IFT56: variants seen among roughly 807,000 people sequenced by gnomAD.
IFT56 encodes intraflagellar transport protein 56.
the IFT56 span, chr7:139,137,726 A>G: frequency 8.9e-6 from 6 of 675,704 alleles, no homozygotes; most frequent in Admixed American, 7.7e-5. Flanking sequence ...TAAACCTCAT[A>G]TTGTCATGCT....
chr7:139,176,331 GAT>G, the IFT56 span, among the ~76,000 whole-genome samples: 1 of 151,842 alleles, frequency 6.6e-6, no homozygotes, highest in Admixed American at 6.6e-5. Context: ...ATGCAGTATG[GAT>G]ATATGGACTA....
chr7:139,135,406 C>A, the IFT56 span, among the ~76,000 whole-genome samples: 1 of 151,998 alleles, frequency 6.6e-6, no homozygotes, highest in Admixed American at 6.6e-5. Flanking sequence ...TCATTTCACA[C>A]ATTGCTTATC....
the IFT56 span, among the ~76,000 whole-genome samples, chr7:139,185,747 CATTATA>C: frequency 6.6e-6 from 1 of 151,924 alleles, no homozygotes. Context: ...AGTATTTTCA[CATTATA>C]ATTAGTAAGA....
the IFT56 span, chr7:139,187,574 A>C: frequency 1.9e-6 from 3 of 1,606,092 alleles, no homozygotes; most frequent in Non-Finnish European, 2.6e-6. Flanking sequence ...ACCTCTACTC[A>C]TTTGCTTGTT....
chr7:139,178,605 A>G, the IFT56 span: 2 of 1,612,944 alleles, frequency 1.2e-6, no homozygotes, highest in South Asian at 2.2e-5. Context: ...AGAGGTGGGT[A>G]TCTGCTTTTG....
chr7:139,164,577 C>A, the IFT56 span, among the ~76,000 whole-genome samples: 1 of 152,030 alleles, frequency 6.6e-6, no homozygotes, highest in African/African-American at 2.4e-5. Flanking sequence ...ATTTAGATCA[C>A]GGCTTTCTTT....
At chr7:139,163,815 C>T in the IFT56 span, among the ~76,000 whole-genome samples, 1 of 151,998 alleles carries the variant, frequency 6.6e-6, no homozygotes, top group Admixed American at 6.6e-5. Flanking sequence ...GAATTAATCT[C>T]GGCAAAAGAA....
the IFT56 span, among the ~76,000 whole-genome samples, chr7:139,146,766 CAAAAAA>C: frequency 1.4e-4 from 12 of 88,718 alleles, no homozygotes; most frequent in Middle Eastern, 6.8e-3. Context: ...GACTCCGTTT[CAAAAAA>C]AAAAAAAAAA....
the IFT56 span, chr7:139,134,833 A>G: frequency 6.3e-7 from 1 of 1,596,904 alleles, no homozygotes; most frequent in Non-Finnish European, 8.5e-7. Context: ...TATGAATACC[A>G]GACTGTAGAT....
chr7:139,139,872 G>A, the IFT56 span: 2 of 1,557,298 alleles, frequency 1.3e-6, no homozygotes, highest in Non-Finnish European at 1.8e-6. Flanking sequence ...TGAGATCACT[G>A]CTTACTATAT....
At chr7:139,157,686 A>G in the IFT56 span, among the ~76,000 whole-genome samples, 3 of 151,624 alleles carry the variant, frequency 2.0e-5, no homozygotes, top group Non-Finnish European at 4.4e-5. Flanking sequence ...TAAACTTTTT[A>G]AATAGAGACA....
chr7:139,147,178 C>G, the IFT56 span: 1 of 1,613,168 alleles, frequency 6.2e-7, no homozygotes, highest in African/African-American at 1.3e-5. Flanking sequence ...GAGCTTTCAT[C>G]AAAATCTTCA....
the IFT56 span, among the ~76,000 whole-genome samples, chr7:139,185,002 C>A: frequency 4.0e-5 from 6 of 149,370 alleles, no homozygotes; most frequent in East Asian, 2.0e-4. Flanking sequence ...TGCAGTGAGC[C>A]GAGATCGCGC....
chr7:139,151,223 A>C, the IFT56 span, among the ~76,000 whole-genome samples: 1 of 152,234 alleles, frequency 6.6e-6, no homozygotes, highest in Non-Finnish European at 1.5e-5. Context: ...TTAGGATATC[A>C]TTATTATTGG....
the IFT56 span, chr7:139,142,215 C>T: frequency 1.9e-6 from 3 of 1,611,364 alleles, no homozygotes; most frequent in Non-Finnish European, 2.5e-6. Flanking sequence ...GACTGCTAGA[C>T]TGTTGAGTTC....
the IFT56 span, among the ~76,000 whole-genome samples, chr7:139,134,335 G>A: frequency 6.6e-6 from 1 of 151,092 alleles, no homozygotes; most frequent in African/African-American, 2.4e-5. Context: ...GCAGTGGCGC[G>A]ATCTTGGCTC....
chr7:139,135,290 A>C, the IFT56 span, among the ~76,000 whole-genome samples: 45 of 148,288 alleles, frequency 3.0e-4, no homozygotes, highest in African/African-American at 8.6e-4. Flanking sequence ...AAAAAAAAAA[A>C]AAAAAAAACA....
chr7:139,187,627 A>C, the IFT56 span: 50 of 1,482,826 alleles, frequency 3.4e-5, no homozygotes, highest in Middle Eastern at 3.7e-4. Context: ...ATCTTCTGAA[A>C]ACACATGATT....
At chr7:139,177,611 A>AGTGTGTGT in the IFT56 span, among the ~76,000 whole-genome samples, 16,959 of 148,480 alleles carry the variant, frequency 0.11, 2,065 homozygotes, top group African/African-American at 0.29. Context: ...ATATATATAT[A>AGTGTGTGT]GTGTGTGTGT....
Sources: gnomAD v4.1 joint callset for allele counts (sites outside exome capture counted in the v4.1 genomes callset) on GRCh38, gnomAD v4.1.1 for gene constraint, MANE v1.5 for transcripts, NCBI Gene and HGNC (gene_info 2026-07-23, HGNC 2026-07-21) for gene names.